MITF: variants seen among roughly 807,000 people sequenced by gnomAD.
MITF encodes microphthalmia-associated transcription factor.
MITF carries 17 observed loss-of-function variants against 60.5 expected under a neutral mutation model. That is an observed-to-expected ratio of 0.28 (90% CI 0.19 to 0.42). MITF has a LOEUF of 0.42. Among genes scored for constraint, MITF ranks in the 10% least tolerant of loss-of-function variants. The probability of loss-of-function intolerance (pLI) is 1.00; values close to 1 mark genes in which losing one functional copy is unlikely to be tolerated. For synonymous variants in MITF, 260 were observed against 248.5 expected (o/e 1.05, Z -0.43); for missense variants, 622 against 683.5 (o/e 0.91, Z 1.00).
chr3:69,886,869 C>T (rs1187984455), intron 2 of MITF, among the ~76,000 whole-genome samples: 1 of 152,120 alleles, frequency 6.6e-6, no homozygotes, highest in Non-Finnish European at 1.5e-5. Context: ...ACTCAAGTCA[C>T]TTATATTCTA....
chr3:69,816,558 C>G (rs2063184741), intron 1 of MITF, among the ~76,000 whole-genome samples: 1 of 152,156 alleles, frequency 6.6e-6, no homozygotes, highest in South Asian at 2.1e-4. Flanking sequence ...GTAATTTACT[C>G]TAACAATTTT....
At chr3:69,931,201 G>T (rs376036642) in intron 2 of MITF, among the ~76,000 whole-genome samples, 3 of 152,120 alleles carry the variant, frequency 2.0e-5, no homozygotes, top group Non-Finnish European at 4.4e-5. Flanking sequence ...CACTAATTCC[G>T]TTCTTTATAT....
chr3:69,804,671 G>A (rs1419902963), intron 1 of MITF, among the ~76,000 whole-genome samples: 1 of 152,176 alleles, frequency 6.6e-6, no homozygotes, highest in Non-Finnish European at 1.5e-5. Flanking sequence ...GTTTTTATTT[G>A]ACTCTAACAT....
At chr3:69,755,887 A>G (rs1704128300) in intron 1 of MITF, among the ~76,000 whole-genome samples, 1 of 152,096 alleles carries the variant, frequency 6.6e-6, no homozygotes, top group African/African-American at 2.4e-5. Context: ...CTGTACTATG[A>G]TTATTGCTCT....
intron 1 of MITF, among the ~76,000 whole-genome samples, chr3:69,743,018 G>C (rs1000641344): frequency 1.3e-5 from 2 of 152,138 alleles, no homozygotes; most frequent in African/African-American, 4.8e-5. Context: ...AGGGTTTTCT[G>C]TTTGTTCCTT....
At position 69,879,343 on chromosome 3, in the gene MITF, C is replaced by T. The variant is rs2107278354; in HGVS notation, c.314C>T (p.Thr105Ile). Residue 105 changes from threonine to isoleucine, a missense_variant, in exon 2 of 10, where the codon ACC (threonine) becomes ATC (isoleucine). Physicochemically the swap from Thr to Ile is moderately conservative, Grantham distance 89 (BLOSUM62 -1). Transcript: ENST00000352241. ...TPAINVSVPT[T>I]LPSATQVPME... ...GCCATAAACGTCAGTGTGCCCACCA[C>T]CCTTCCCTCTGCCACGCAGGTGCCG... 1 of 1,614,226 alleles carries T rather than the reference C, an allele frequency of 6.2e-7. No individual in the cohort carries two copies. Among genetic ancestry groups the T allele is most frequent in the South Asian group, 1.1e-5 (1 of 91,084 alleles).
At chr3:69,908,940 A>C (rs901836592) in intron 2 of MITF, among the ~76,000 whole-genome samples, 15 of 152,192 alleles carry the variant, frequency 9.9e-5, no homozygotes, top group African/African-American at 3.4e-4. Flanking sequence ...TCCTTAGAAA[A>C]TATCTTTGAT....
chr3:69,796,071 T>G (rs2062822868), intron 1 of MITF, among the ~76,000 whole-genome samples: 1 of 152,134 alleles, frequency 6.6e-6, no homozygotes, highest in Non-Finnish European at 1.5e-5. Context: ...AGCCGCCGTC[T>G]CCTGGGTTCA....
intron 6 of MITF, among the ~76,000 whole-genome samples, chr3:69,950,787 A>ATGTTT (rs1025313239): frequency 3.3e-5 from 5 of 152,008 alleles, no homozygotes; most frequent in African/African-American, 1.2e-4. Context: ...GTCAAGTAAC[A>ATGTTT]TGTTTTGTTT....
intron 2 of MITF, among the ~76,000 whole-genome samples, chr3:69,909,575 A>C (rs756466926): frequency 3.9e-5 from 6 of 152,140 alleles, no homozygotes; most frequent in Non-Finnish European, 5.9e-5. Context: ...TAAAATTCTG[A>C]TAGTGATATG....
chr3:69,956,700 C>G (rs1484721530), intron 8 of MITF, among the ~76,000 whole-genome samples, 170 bp downstream of exon 8: 1 of 152,108 alleles, frequency 6.6e-6, no homozygotes, highest in African/African-American at 2.4e-5. Flanking sequence ...TCTCATCAAG[C>G]TAAAATTTCA....
At chr3:69,740,954 G>T (rs1382273363) in intron 1 of MITF, among the ~76,000 whole-genome samples, 1 of 152,224 alleles carries the variant, frequency 6.6e-6, no homozygotes, top group East Asian at 1.9e-4. Flanking sequence ...TTTTCTAGTG[G>T]AAAGTGCAGC....
intron 2 of MITF, among the ~76,000 whole-genome samples, chr3:69,908,355 TA>T (rs202050730): frequency 0.016 from 2,381 of 148,282 alleles, 29 homozygotes; most frequent in Middle Eastern, 0.052. Context: ...GCAAAAACAA[TA>T]AAAAAAAAAC....
intron 2 of MITF, among the ~76,000 whole-genome samples, chr3:69,913,105 A>T (rs2065258983): frequency 6.6e-6 from 1 of 152,132 alleles, no homozygotes; most frequent in Non-Finnish European, 1.5e-5. Context: ...TGTATCATGT[A>T]ACCAGATGTT....
intron 1 of MITF, among the ~76,000 whole-genome samples, chr3:69,838,436 G>A (rs1391311928): frequency 6.6e-6 from 1 of 151,920 alleles, no homozygotes; most frequent in South Asian, 2.1e-4. Context: ...CATGTTTTAC[G>A]AAGTCTGAAT....
chr3:69,958,551 C>T (rs184745602), intron 8 of MITF, among the ~76,000 whole-genome samples: 185 of 151,536 alleles, frequency 1.2e-3, no homozygotes, highest in Non-Finnish European at 2.1e-3. Flanking sequence ...GGCTAGATAG[C>T]CTGCCCATGA....
At chr3:69,859,469 C>T (rs2063974740) in intron 1 of MITF, among the ~76,000 whole-genome samples, 1 of 152,064 alleles carries the variant, frequency 6.6e-6, no homozygotes, top group Admixed American at 6.6e-5. Context: ...CTCCTTGGAC[C>T]AGAATGGATT....
At chr3:69,800,749 T>A (rs938722624) in intron 1 of MITF, among the ~76,000 whole-genome samples, 7 of 152,140 alleles carry the variant, frequency 4.6e-5, no homozygotes, top group African/African-American at 1.4e-4. Flanking sequence ...TAAAAAAAAA[T>A]TGGATATTGT....
At chr3:69,939,866 G>T (rs1208046079) in intron 4 of MITF, among the ~76,000 whole-genome samples, 1 of 152,056 alleles carries the variant, frequency 6.6e-6, no homozygotes, top group East Asian at 1.9e-4. Flanking sequence ...ATTAAAAGTG[G>T]CAAGGAAATG....
Sources: gnomAD v4.1 joint callset for allele counts (sites outside exome capture counted in the v4.1 genomes callset) on GRCh38, gnomAD v4.1.1 for gene constraint, MANE v1.5 for transcripts, NCBI Gene and HGNC (gene_info 2026-07-23, HGNC 2026-07-21) for gene names.